Variants in ANKFN1 observed in about 807,000 individuals in gnomAD.
The protein encoded by ANKFN1 is ankyrin repeat and fibronectin type-III domain-containing protein 1.
ANKFN1 carries 74 observed loss-of-function variants against 108.7 expected under a neutral mutation model. The ratio of observed to expected loss-of-function variants is 0.68; its 90% CI spans 0.56 to 0.83. ANKFN1 has a LOEUF of 0.83. Among genes scored for constraint, ANKFN1 ranks in the 40% least tolerant of loss-of-function variants. ANKFN1 has a pLI of 0.00. For synonymous variants in ANKFN1, 547 were observed against 516.2 expected, an observed-to-expected ratio of 1.06 and a Z score of -0.81; for missense variants, 1,505 against 1,382.3, an observed-to-expected ratio of 1.09 and a Z score of -1.41.
At chr17:56,461,618 T>G (rs956919413) in intron 14 of ANKFN1, among the ~76,000 whole-genome samples, 1 of 152,226 alleles carries the variant, frequency 6.6e-6, no homozygotes, top group Admixed American at 6.5e-5. Flanking sequence ...TGAATCACTC[T>G]CATAGCACCT....
intron 3 of ANKFN1, among the ~76,000 whole-genome samples, chr17:56,285,503 G>A (rs998308531): frequency 2.0e-5 from 3 of 152,120 alleles, no homozygotes; most frequent in African/African-American, 7.2e-5. Flanking sequence ...AAAAGAAAAT[G>A]GATGTAGATG....
intron 4 of ANKFN1, among the ~76,000 whole-genome samples, chr17:56,075,747 G>A (rs1467847232): frequency 6.6e-6 from 1 of 152,144 alleles, no homozygotes; most frequent in Non-Finnish European, 1.5e-5. Flanking sequence ...GGGAAGAAGG[G>A]CTGGAACACT....
At chr17:56,161,734 TA>T (rs1020936673) in intron 1 of ANKFN1, among the ~76,000 whole-genome samples, 2 of 151,730 alleles carry the variant, frequency 1.3e-5, no homozygotes, top group African/African-American at 4.8e-5. Context: ...GATTTTACAT[TA>T]AAAAAAATTA....
intron 13 of ANKFN1, 147 bp from the exon 14 acceptor site, chr17:56,457,716 T>C: frequency 1.5e-6 from 1 of 683,168 alleles, no homozygotes; most frequent in Non-Finnish European, 2.6e-6. Context: ...TGGACAGAGA[T>C]CAAAAAGTTG....
At chr17:56,166,758 A>G (rs1388278807) in intron 1 of ANKFN1, among the ~76,000 whole-genome samples, 2 of 151,970 alleles carry the variant, frequency 1.3e-5, no homozygotes, top group East Asian at 1.9e-4. Context: ...CTGAATCCCC[A>G]TAGTATTTTT....
intron 4 of ANKFN1, among the ~76,000 whole-genome samples, chr17:56,103,106 A>G (rs1300704809): frequency 6.6e-6 from 1 of 152,224 alleles, no homozygotes; most frequent in African/African-American, 2.4e-5. Flanking sequence ...CTGGATATCT[A>G]CAAAATGAGC....
rs963057809 is a variant in ANKFN1, at chr17:56,514,242, T to C, written c.*2973T>C. Among the ~76,000 whole-genome samples the C allele has an allele frequency of 1.3e-5, 2 of 152,224 alleles. No individual in the cohort carries two copies. Among genetic ancestry groups the C allele is most frequent in the Non-Finnish European group, 2.9e-5 (2 of 68,038 alleles). On this transcript the variant is annotated 3_prime_UTR_variant, in exon 21 of 21. Coordinates refer to ENST00000682825, the MANE Select transcript of ANKFN1 (RefSeq NM_001370326.1). Reference sequence around the variant, plus strand: ...AATCCTTGACTGAGGTTCTCCCATATGTCTATCTCAATTCTAAGTCCCATT... The same window carrying C: ...AATCCTTGACTGAGGTTCTCCCATACGTCTATCTCAATTCTAAGTCCCATT...
chr17:56,222,390 A>T (rs1331847192), intron 2 of ANKFN1, among the ~76,000 whole-genome samples: 1 of 152,194 alleles, frequency 6.6e-6, no homozygotes, highest in Non-Finnish European at 1.5e-5. Flanking sequence ...TGGGTCAGAA[A>T]GATCTGGATG....
intron 4 of ANKFN1, among the ~76,000 whole-genome samples, chr17:56,092,804 T>C (rs1168032412): frequency 6.6e-6 from 1 of 150,848 alleles, no homozygotes; most frequent in African/African-American, 2.4e-5. Context: ...CAAGTGGTCG[T>C]AGGACTGAAA....
intron 4 of ANKFN1, among the ~76,000 whole-genome samples, chr17:56,116,567 G>T (rs1906289405): frequency 6.6e-6 from 1 of 152,004 alleles, no homozygotes. Flanking sequence ...GTTGAAAAAA[G>T]CCTGGCACCT....
intron 4 of ANKFN1, among the ~76,000 whole-genome samples, chr17:56,116,883 C>T (rs1257041196): frequency 6.6e-6 from 1 of 152,058 alleles, no homozygotes; most frequent in East Asian, 1.9e-4. Context: ...CTGCAGGGAG[C>T]ATGAAGGTGG....
intron 8 of ANKFN1, among the ~76,000 whole-genome samples, chr17:56,420,715 C>CTTTT (rs560168948): frequency 1.2e-5 from 1 of 84,088 alleles, no homozygotes. Context: ...TTGTTGTTTT[C>CTTTT]TTTTTTTTTT....
intron 8 of ANKFN1, among the ~76,000 whole-genome samples, chr17:56,431,834 G>A (rs1175310829): frequency 6.6e-6 from 1 of 152,234 alleles, no homozygotes; most frequent in East Asian, 1.9e-4. Flanking sequence ...AGCTGTGAAT[G>A]TAAACTGACT....
At chr17:56,395,718 G>A (rs2047562209) in intron 8 of ANKFN1, among the ~76,000 whole-genome samples, 2 of 152,012 alleles carry the variant, frequency 1.3e-5, no homozygotes, top group Admixed American at 1.3e-4. Flanking sequence ...GCATAGTGGT[G>A]CATGCCTGTA....
chr17:56,251,601 A>G (rs1415734559), intron 3 of ANKFN1, among the ~76,000 whole-genome samples: 1 of 152,104 alleles, frequency 6.6e-6, no homozygotes, highest in African/African-American at 2.4e-5. Flanking sequence ...GTTTGTCCCC[A>G]TTGTCCAAGG....
At chr17:56,364,608 G>A (rs570112358) in intron 6 of ANKFN1, among the ~76,000 whole-genome samples, 3 of 152,218 alleles carry the variant, frequency 2.0e-5, no homozygotes, top group African/African-American at 4.8e-5. Flanking sequence ...CACTCAAGTG[G>A]CTTGCATGTT....
At chr17:56,386,666 T>C (rs971773421) in intron 8 of ANKFN1, among the ~76,000 whole-genome samples, 2 of 151,340 alleles carry the variant, frequency 1.3e-5, no homozygotes, top group Non-Finnish European at 2.9e-5. Context: ...TGGTCTCACT[T>C]GTTCGACAAG....
chr17:56,310,602 G>C (rs1426443622), intron 3 of ANKFN1, among the ~76,000 whole-genome samples: 3 of 149,882 alleles, frequency 2.0e-5, no homozygotes, highest in Non-Finnish European at 4.4e-5. Context: ...AGGCAACAGA[G>C]TGAGACTCCA....
At chr17:56,387,178 C>T (rs577443537) in intron 8 of ANKFN1, among the ~76,000 whole-genome samples, 3 of 152,072 alleles carry the variant, frequency 2.0e-5, no homozygotes, top group African/African-American at 7.2e-5. Context: ...CCAATTCCTG[C>T]TACTTTCTAT....
Sources: allele counts gnomAD v4.1 joint callset (sites outside exome capture counted in the v4.1 genomes callset), GRCh38; gene constraint gnomAD v4.1.1; transcripts MANE v1.5; gene names NCBI Gene and HGNC (gene_info 2026-07-23, HGNC 2026-07-21).